SULF1: variants seen among roughly 807,000 people sequenced by gnomAD.
SULF1 encodes extracellular sulfatase Sulf-1.
SULF1 carries 46 observed loss-of-function variants against 110.5 expected under a neutral mutation model. The observed-to-expected ratio is 0.42, with a 90% CI of 0.33 to 0.53. The LOEUF (loss-of-function observed/expected upper bound fraction) is 0.53. Among genes scored for constraint, SULF1 ranks in the 20% least tolerant of loss-of-function variants. The pLI, the probability that SULF1 is intolerant of heterozygous loss-of-function variation, is 0.12. For synonymous variants in SULF1, 371 were observed against 387.1 expected, an observed-to-expected ratio of 0.96 and a Z score of 0.49; for missense variants, 941 against 1,094.2, an observed-to-expected ratio of 0.86 and a Z score of 1.98.
intron 10 of SULF1, 152 bp downstream of exon 10, chr8:69,601,981 T>C (rs1440880212): frequency 3.4e-4 from 242 of 721,220 alleles, no homozygotes; most frequent in Admixed American, 6.5e-5. Flanking sequence ...AACCTTTTCC[T>C]CCCTGCCACA....
At chr8:69,469,634 A>G (rs1475747243) in intron 1 of SULF1, among the ~76,000 whole-genome samples, 1 of 152,256 alleles carries the variant, frequency 6.6e-6, no homozygotes, top group Non-Finnish European at 1.5e-5. Context: ...TCATAATAGT[A>G]GAGACAAGTG....
chr8:69,471,194 G>A (rs1013547389), intron 1 of SULF1, among the ~76,000 whole-genome samples: 10 of 152,084 alleles, frequency 6.6e-5, no homozygotes, highest in Non-Finnish European at 1.5e-5. Context: ...CTGCTCTATA[G>A]TTTGCTTCTT....
Position 69,601,635 on chromosome 8 carries a change from T to A in SULF1, c.886-19T>A. On this transcript the variant is annotated intron_variant, in intron 9 of 22. Coordinates refer to ENST00000402687, the MANE Select transcript of SULF1 (RefSeq NM_001128205.2). The stretch of plus-strand genomic sequence containing the variant: ...TACCAGCACAATTGATTCTGACTTG[T>A]TCCTTTGCTGTATTTCAGCTGTATA... 6.3e-7 allele frequency: 1 copy of A among 1,589,684 alleles called. No homozygotes were observed. The highest frequency in any genetic ancestry group is 8.6e-7 in the Non-Finnish European group (1 of 1,165,718).
At chr8:69,519,790 A>T (rs999381395) in intron 3 of SULF1, among the ~76,000 whole-genome samples, 5 of 152,190 alleles carry the variant, frequency 3.3e-5, no homozygotes, top group African/African-American at 1.2e-4. Flanking sequence ...TAATTTAAAT[A>T]GCAAGATGCA....
intron 3 of SULF1, among the ~76,000 whole-genome samples, chr8:69,539,291 G>A (rs113117545): frequency 1.5e-3 from 227 of 152,166 alleles, no homozygotes; most frequent in African/African-American, 5.1e-3. Context: ...TTAGTCTACC[G>A]AATAAAAATG....
At chr8:69,588,721 T>C (rs999211740) in intron 7 of SULF1, among the ~76,000 whole-genome samples, 5 of 152,190 alleles carry the variant, frequency 3.3e-5, no homozygotes, top group Admixed American at 2.6e-4. Context: ...TTTTTCCCCA[T>C]TGCTAAGTTG....
intron 5 of SULF1, among the ~76,000 whole-genome samples, chr8:69,567,147 T>C (rs146814810): frequency 2.0e-4 from 30 of 152,194 alleles, no homozygotes; most frequent in East Asian, 9.7e-4. Flanking sequence ...AAGCAAAAGA[T>C]AGGCCACTGG....
intron 13 of SULF1, among the ~76,000 whole-genome samples, chr8:69,609,282 G>T (rs766128135): frequency 1.3e-5 from 2 of 152,168 alleles, no homozygotes; most frequent in African/African-American, 2.4e-5. Context: ...GGAAGTCGAG[G>T]CTGCAGTGAG....
chr8:69,491,698 C>T (rs1354404717), upstream of SULF1, among the ~76,000 whole-genome samples: 2 of 152,204 alleles, frequency 1.3e-5, no homozygotes, highest in Non-Finnish European at 2.9e-5. Context: ...TCACCTATGC[C>T]CATATAGCTG....
chr8:69,511,613 C>T (rs1327688995), intron 3 of SULF1, among the ~76,000 whole-genome samples: 3 of 152,174 alleles, frequency 2.0e-5, no homozygotes, highest in Non-Finnish European at 2.9e-5. Flanking sequence ...ACGGAGATTT[C>T]CCATATACCC....
intron 1 of SULF1, among the ~76,000 whole-genome samples, chr8:69,495,410 T>C (rs1046484979): frequency 6.6e-6 from 1 of 152,042 alleles, no homozygotes; most frequent in African/African-American, 2.4e-5. Flanking sequence ...AAAAAAATGC[T>C]AGATTTTTGT....
At chr8:69,503,702 C>T (rs1248068303) in intron 3 of SULF1, among the ~76,000 whole-genome samples, 1 of 152,200 alleles carries the variant, frequency 6.6e-6, no homozygotes, top group Non-Finnish European at 1.5e-5. Context: ...TACAAGAGCA[C>T]CCTTCATCTT....
intron 13 of SULF1, among the ~76,000 whole-genome samples, chr8:69,611,527 T>G (rs1250474379): frequency 6.6e-6 from 1 of 152,142 alleles, no homozygotes; most frequent in Non-Finnish European, 1.5e-5. Context: ...GAGAGAAAAT[T>G]TGACAATGAC....
Position 69,601,716 on chromosome 8 carries a change from C to A in SULF1, c.948C>A (p.Asp316Glu). The change falls in exon 10 of 23, where the codon GAC becomes GAA. Residue 316 changes from aspartate (D) to glutamate (E), a missense_variant. By Grantham distance (45) the Asp-to-Glu change is conservative. Around this residue, in one of 3 missense-constraint regions of SULF1, gnomAD observed 822 missense variants for 934.3 expected, o/e 0.88. Transcript: ENST00000402687. ...LENTYIIYTA[D>E]HGYHIGQFGL... ...ATACTTACATCATTTACACCGCCGACCATGGTTACCATATTGGGCAGTTTG... is the reference window on the plus strand; with the variant it reads ...ATACTTACATCATTTACACCGCCGAACATGGTTACCATATTGGGCAGTTTG... The A allele has an allele frequency of 6.2e-7, 1 of 1,613,584 alleles. No homozygotes were observed. The highest frequency in any genetic ancestry group is 8.5e-7 in the Non-Finnish European group (1 of 1,179,834).
At chr8:69,645,641 G>A (rs891214303) in intron 22 of SULF1, among the ~76,000 whole-genome samples, 5 of 152,210 alleles carry the variant, frequency 3.3e-5, no homozygotes, top group Admixed American at 1.3e-4. Context: ...CATTTATGCC[G>A]CATCCTGAAG....
intron 5 of SULF1, 55 bp downstream of exon 5, chr8:69,564,202 G>A: frequency 6.3e-7 from 1 of 1,594,368 alleles, no homozygotes; most frequent in Non-Finnish European, 8.6e-7. Flanking sequence ...GATTTCTCGA[G>A]TCTCAGGATT....
chr8:69,476,240 T>C (rs1809293774), intron 1 of SULF1, among the ~76,000 whole-genome samples: 2 of 152,204 alleles, frequency 1.3e-5, no homozygotes, highest in South Asian at 4.1e-4. Context: ...AAATCATCCT[T>C]AATTTTATGA....
chr8:69,504,795 C>T (rs1050519575), intron 3 of SULF1, among the ~76,000 whole-genome samples: 11 of 152,140 alleles, frequency 7.2e-5, no homozygotes, highest in Admixed American at 5.9e-4. Context: ...AGACGAGTCA[C>T]TTCCCACCAC....
chr8:69,496,083 C>A (rs577004256), intron 2 of SULF1, among the ~76,000 whole-genome samples, 157 bp downstream of exon 2: 79 of 152,362 alleles, frequency 5.2e-4, no homozygotes, highest in African/African-American at 1.8e-3. Context: ...TACCCTTTCA[C>A]CCTTTCTGTG....
Sources: gnomAD v4.1 joint callset for allele counts (sites outside exome capture counted in the v4.1 genomes callset) on GRCh38, gnomAD v4.1.1 for gene constraint, gnomAD v4.1.1 regional missense constraint, MANE v1.5 for transcripts, NCBI Gene and HGNC (gene_info 2026-07-23, HGNC 2026-07-21) for gene names.